Variants in DDX60 observed in about 807,000 individuals in gnomAD.
The protein encoded by DDX60 is DExD/H-box helicase 60.
DDX60 carries 165 observed loss-of-function variants against 212.8 expected under a neutral mutation model. That is an observed-to-expected ratio of 0.78 (90% CI 0.68 to 0.88). The LOEUF (loss-of-function observed/expected upper bound fraction) is 0.88. Ranked by LOEUF, DDX60 falls within the 40% of genes least tolerant of loss-of-function variation. DDX60 has a pLI of 0.00. For missense variants in DDX60, 1,905 were observed against 2,003.9 expected, an observed-to-expected ratio of 0.95 and a Z score of 0.94; for synonymous variants, 703 against 685.3, an observed-to-expected ratio of 1.03 and a Z score of -0.40.
chr4:168,287,980 T>G (rs565238695), intron 9 of DDX60, among the ~76,000 whole-genome samples, 194 bp downstream of exon 9: 1 of 152,130 alleles, frequency 6.6e-6, no homozygotes, highest in Non-Finnish European at 1.5e-5. Context: ...TAATGTAATA[T>G]TAAGTGAAAA....
chr4:168,300,076 A>G (rs1193091459), intron 6 of DDX60, among the ~76,000 whole-genome samples: 1 of 152,216 alleles, frequency 6.6e-6, no homozygotes, highest in Admixed American at 6.5e-5. Context: ...CCAACACCAT[A>G]TTAAGAAGTA....
chr4:168,304,206 G>C (rs1326410545), intron 5 of DDX60, among the ~76,000 whole-genome samples: 2 of 152,160 alleles, frequency 1.3e-5, no homozygotes, highest in African/African-American at 2.4e-5. Context: ...TGTTATCATA[G>C]AAGATGACAG....
At chr4:168,250,699 T>G (rs1734188869) in intron 28 of DDX60, among the ~76,000 whole-genome samples, 1 of 26,072 alleles carries the variant, frequency 3.8e-5, no homozygotes, top group Non-Finnish European at 6.9e-5. Flanking sequence ...CTAATTTTTG[T>G]ATTTTTAGTA....
chr4:168,283,891 A>T (rs988748532), intron 12 of DDX60, among the ~76,000 whole-genome samples: 1 of 152,174 alleles, frequency 6.6e-6, no homozygotes, highest in Non-Finnish European at 1.5e-5. Flanking sequence ...GTGCCCTGTG[A>T]ATTAGTTTAA....
rs138547096 is a variant in DDX60, at chr4:168,293,787, C to T, written c.882G>A (p.Gln294=). The T allele has an allele frequency of 1.1e-5, 17 of 1,601,052 alleles. No homozygotes were observed. The highest frequency in any genetic ancestry group is 2.2e-5 in the East Asian group (1 of 44,710). Residue 294 remains glutamine, a splice_region_variant and synonymous_variant, in exon 7 of 38, where the codon CAG becomes CAA. Coordinates refer to ENST00000393743, the MANE Select transcript of DDX60 (RefSeq NM_017631.6). The stretch of plus-strand genomic sequence containing the variant: ...CTCAGTAAAGTTATAAAAACCACAC[C>T]TGTTGGATCTCAGTTTCCTGACCAG... ...PSSGQETEIQ[Q]VNSNCLTLQE...
intron 16 of DDX60, among the ~76,000 whole-genome samples, chr4:168,275,113 C>T (rs1268019247): frequency 6.6e-6 from 1 of 152,082 alleles, no homozygotes; most frequent in Non-Finnish European, 1.5e-5. Context: ...AACATCAGAG[C>T]TAAACATATG....
Position 168,260,909 on chromosome 4 carries a change from A to G in DDX60, c.3354T>C (p.Val1118=). The G allele has an allele frequency of 6.2e-7, 1 of 1,609,406 alleles. No individual in the cohort carries two copies. Among genetic ancestry groups the G allele is most frequent in the Non-Finnish European group, 8.5e-7 (1 of 1,176,904 alleles). Residue 1118 remains valine, a synonymous_variant, in exon 25 of 38, where the codon GTT becomes GTC. Transcript: ENST00000393743. ...ACTTCTCCATTTTCCTTAGTTTTTC[A>G]ACTAGAAGTGGAAACATGGTGATCA... The part of the protein sequence containing the change: ...ENMITMFPLL[V]EKLRKMEKLP...
At chr4:168,219,800 G>C (rs1445799573) in intron 37 of DDX60, among the ~76,000 whole-genome samples, 3 of 152,040 alleles carry the variant, frequency 2.0e-5, no homozygotes, top group Admixed American at 6.6e-5. Flanking sequence ...ACTTTGGGAG[G>C]GCAAGGCAGG....
chr4:168,249,583 A>T (rs1484600124), intron 28 of DDX60, among the ~76,000 whole-genome samples: 1 of 152,200 alleles, frequency 6.6e-6, no homozygotes, highest in Non-Finnish European at 1.5e-5. Context: ...CACTATTTTC[A>T]TAGTACCTTT....
At chr4:168,310,635 T>C (rs188909882) in intron 3 of DDX60, among the ~76,000 whole-genome samples, 2 of 152,260 alleles carry the variant, frequency 1.3e-5, no homozygotes, top group African/African-American at 4.8e-5. Flanking sequence ...AACTTCTTGG[T>C]AGAGCAGAGA....
At chr4:168,250,775 T>C (rs1166184979) in intron 28 of DDX60, among the ~76,000 whole-genome samples, 179 bp downstream of exon 28, 1 of 152,020 alleles carries the variant, frequency 6.6e-6, no homozygotes, top group Non-Finnish European at 1.5e-5. Context: ...TCCGTCCATC[T>C]CGGCCTCCCA....
At chr4:168,312,471 T>A (rs1737177245) in intron 1 of DDX60, among the ~76,000 whole-genome samples, 1 of 151,464 alleles carries the variant, frequency 6.6e-6, no homozygotes, top group South Asian at 2.1e-4. Context: ...GGGAGAAGAG[T>A]ACTAAAAACC....
chr4:168,292,042 T>C (rs1736128952), intron 7 of DDX60, 136 bp from the exon 8 acceptor site: 2 of 488,596 alleles, frequency 4.1e-6, no homozygotes, highest in Non-Finnish European at 6.4e-6. Context: ...TCTTTCTTTC[T>C]TTCTTTCTTT....
At chr4:168,300,332 T>C (rs895209291) in intron 6 of DDX60, among the ~76,000 whole-genome samples, 1 of 152,022 alleles carries the variant, frequency 6.6e-6, no homozygotes, top group Non-Finnish European at 1.5e-5. Context: ...ACGAGTTCAG[T>C]AGTTCAAGAC....
intron 30 of DDX60, among the ~76,000 whole-genome samples, chr4:168,241,387 G>A (rs564402276): frequency 2.6e-5 from 4 of 152,278 alleles, no homozygotes; most frequent in African/African-American, 9.6e-5. Context: ...GAAGCAGACA[G>A]GAACATGTGG....
Position 168,255,970 on chromosome 4 carries a change from T to C in DDX60, c.3399-101A>G, listed in dbSNP as rs551926540. 17 of 1,208,982 alleles carry C rather than the reference T, an allele frequency of 1.4e-5. 1 individual carries two copies. The South Asian group carries it at 2.7e-4, about 19-fold the overall frequency. 74.9% of individuals were successfully genotyped at this position (1,208,982 alleles called of 1,614,324 possible). On this transcript the variant is annotated intron_variant, in intron 25 of 37. Coordinates refer to ENST00000393743, the MANE Select transcript of DDX60 (RefSeq NM_017631.6). ...ATCATCCCGACATCTGCCTGTTGGG[T>C]TTTTAATACCCACCTTTATAAATGT...
chr4:168,307,759 C>A (rs186474746), intron 4 of DDX60, among the ~76,000 whole-genome samples: 22 of 152,294 alleles, frequency 1.4e-4, no homozygotes, highest in African/African-American at 4.1e-4. Context: ...GAGGAGCTTT[C>A]TCATCCTCTC....
chr4:168,270,875 C>CTTTTTTTTTTTTTTTTTTTT (rs759054592), intron 19 of DDX60, among the ~76,000 whole-genome samples: 5 of 110,880 alleles, frequency 4.5e-5, no homozygotes, highest in Non-Finnish European at 8.9e-5. Flanking sequence ...TTCTTTCTTT[C>CTTTTTTTTTTTTTTTTTTTT]TTTTTTTTTT....
At chr4:168,271,137 C>T (rs1735079157) in intron 19 of DDX60, among the ~76,000 whole-genome samples, 1 of 152,186 alleles carries the variant, frequency 6.6e-6, no homozygotes, top group Non-Finnish European at 1.5e-5. Context: ...CTCAGCTTCC[C>T]ACAGTCCTGG....
Sources: allele counts gnomAD v4.1 joint callset (sites outside exome capture counted in the v4.1 genomes callset), GRCh38; gene constraint gnomAD v4.1.1; transcripts MANE v1.5; gene names NCBI Gene and HGNC (gene_info 2026-07-23, HGNC 2026-07-21).